DDX4: variants seen among roughly 807,000 people sequenced by gnomAD.
DDX4 encodes DEAD-box helicase 4, also known as probable ATP-dependent RNA helicase DDX4.
A neutral mutation model predicts 100.0 loss-of-function variants in DDX4; 25 were observed. The observed-to-expected ratio is 0.25, with a 90% CI of 0.18 to 0.35. The LOEUF (loss-of-function observed/expected upper bound fraction) is 0.35. Ranked by LOEUF, DDX4 falls within the 10% of genes least tolerant of loss-of-function variation. The pLI is 1.00. For missense variants in DDX4, 635 were observed against 882.4 expected (o/e 0.72, Z 3.55); for synonymous variants, 259 against 275.7 (o/e 0.94, Z 0.60).
chr5:55,783,678 A>AATGG (rs1355786561), intron 10 of DDX4, among the ~76,000 whole-genome samples: 15 of 85,062 alleles, frequency 1.8e-4, no homozygotes, highest in East Asian at 5.4e-4. Context: ...TGGATGGATG[A>AATGG]ATGGATGGAT....
At chr5:55,753,812 T>C (rs1407892138) in intron 3 of DDX4, among the ~76,000 whole-genome samples, 42 of 132,238 alleles carry the variant, frequency 3.2e-4, no homozygotes, top group African/African-American at 1.2e-3. Context: ...GAGCATGGAA[T>C]GTTCTTCCAT....
intron 6 of DDX4, chr5:55,766,983 C>T (rs1297847934): frequency 2.0e-6 from 3 of 1,532,684 alleles, no homozygotes; most frequent in Admixed American, 2.0e-5. Context: ...TTCAGGCAGC[C>T]TTCAGTATAG....
chr5:55,740,987 C>G (rs1218442940), intron 2 of DDX4, among the ~76,000 whole-genome samples: 1 of 152,186 alleles, frequency 6.6e-6, no homozygotes, highest in East Asian at 1.9e-4. Context: ...AATGGAATTA[C>G]TTGTTCAGAG....
chr5:55,799,845 C>A (rs1053773333), intron 18 of DDX4, among the ~76,000 whole-genome samples: 1 of 152,072 alleles, frequency 6.6e-6, no homozygotes, highest in Admixed American at 6.6e-5. Context: ...TTAGTACTTG[C>A]GTTTCAGCTT....
chr5:55,742,471 T>C (rs938053750), intron 2 of DDX4, among the ~76,000 whole-genome samples: 6 of 152,204 alleles, frequency 3.9e-5, no homozygotes, highest in African/African-American at 1.4e-4. Flanking sequence ...GCAGTAGCAA[T>C]GTTAGCAATA....
At chr5:55,788,124 T>A (rs1479321049) in intron 15 of DDX4, 124 bp downstream of exon 15, 2 of 838,608 alleles carry the variant, frequency 2.4e-6, no homozygotes, top group East Asian at 5.6e-5. Flanking sequence ...AAGTATTTTT[T>A]TATTATCTTG....
At position 55,787,939 on chromosome 5, in the gene DDX4, G is replaced by A; in HGVS notation, c.1111G>A (p.Val371Ile). 6.2e-7 allele frequency: 1 copy of A among 1,613,828 alleles called. No homozygotes were observed. Among genetic ancestry groups the A allele is most frequent in the East Asian group, 2.2e-5 (1 of 44,836 alleles). ...GTTGCAGGAACCAGAGTGTATTATT[G>A]TAGCACCAACTCGAGAATTGGTCAA... ...KELQEPECII[V>I]APTRELVNQI... The change falls in exon 15 of 22, where the codon GTA (valine) becomes ATA (isoleucine). Residue 371 changes from valine (V) to isoleucine (I), a missense_variant. Physicochemically the swap from Val to Ile is conservative, Grantham distance 29. Coordinates refer to ENST00000505374, the MANE Select transcript of DDX4 (RefSeq NM_024415.3).
chr5:55,776,332 A>C (rs945119322), intron 7 of DDX4, among the ~76,000 whole-genome samples: 1 of 152,204 alleles, frequency 6.6e-6, no homozygotes, highest in Non-Finnish European at 1.5e-5. Context: ...GGTTCAACAT[A>C]TGACTGTCTC....
At chr5:55,792,557 T>C in intron 16 of DDX4, 84 bp from the exon 17 acceptor site, 1 of 690,204 alleles carries the variant, frequency 1.4e-6, no homozygotes, top group Non-Finnish European at 2.1e-6. Flanking sequence ...TTCTTAACAG[T>C]ATTTTAACAG....
At chr5:55,782,046 C>T in intron 10 of DDX4, 65 bp downstream of exon 10, 1 of 1,560,918 alleles carries the variant, frequency 6.4e-7, no homozygotes, top group Non-Finnish European at 8.8e-7. Context: ...TAATTTTTTT[C>T]TGTACTTCAC....
intron 10 of DDX4, among the ~76,000 whole-genome samples, chr5:55,783,231 A>G (rs945226971): frequency 3.3e-5 from 5 of 152,132 alleles, no homozygotes; most frequent in Admixed American, 1.3e-4. Flanking sequence ...ATTCAGAGTG[A>G]CATTTCCCCC....
chr5:55,809,932 A>G (rs143232806), intron 18 of DDX4, among the ~76,000 whole-genome samples: 3 of 152,348 alleles, frequency 2.0e-5, no homozygotes, highest in Admixed American at 6.5e-5. Flanking sequence ...ACTCTATAGA[A>G]TTACTTTATA....
intron 3 of DDX4, chr5:55,750,246 C>T (rs750724519): frequency 6.3e-6 from 1 of 157,482 alleles, no homozygotes; most frequent in African/African-American, 2.4e-5. Context: ...TCAGTAAAGT[C>T]GTTTTGATAT....
At chr5:55,809,875 T>C (rs1464546336) in intron 18 of DDX4, among the ~76,000 whole-genome samples, 3 of 152,238 alleles carry the variant, frequency 2.0e-5, no homozygotes, top group Admixed American at 6.5e-5. Flanking sequence ...AACACTGTAC[T>C]ATTGCATCAG....
intron 18 of DDX4, among the ~76,000 whole-genome samples, chr5:55,803,110 C>T (rs1743432110): frequency 6.7e-6 from 1 of 149,282 alleles, no homozygotes; most frequent in Non-Finnish European, 1.5e-5. Flanking sequence ...CCCCCCACCC[C>T]ACGACAGGCC....
chr5:55,804,103 GGCT>G (rs1743527479), intron 18 of DDX4, among the ~76,000 whole-genome samples: 1 of 151,932 alleles, frequency 6.6e-6, no homozygotes, highest in Admixed American at 6.6e-5. Flanking sequence ...TGTGGTTTTT[GGCT>G]GCATAAATGT....
intron 18 of DDX4, among the ~76,000 whole-genome samples, chr5:55,800,955 C>T (rs911908304): frequency 2.0e-5 from 3 of 151,862 alleles, no homozygotes; most frequent in Non-Finnish European, 4.4e-5. Flanking sequence ...AAGTTTATTT[C>T]GGAGTGGCAT....
At position 55,816,801 on chromosome 5, in the gene DDX4, TA is replaced by T. The variant is rs1451722883; in HGVS notation, c.*262del. On this transcript the variant is annotated 3_prime_UTR_variant, in exon 22 of 22. Coordinates refer to ENST00000505374, the MANE Select transcript of DDX4 (RefSeq NM_024415.3). ...TCTTTCTTATTTCTGGTATATTCTT[TA>T]GGGGGCTTAGACATGTTTAATGTTT... is the stretch of plus-strand genomic sequence containing the variant. The T allele has an allele frequency of 4.5e-6, 2 of 442,078 alleles. No individual in the cohort carries two copies. Among genetic ancestry groups the T allele is most frequent in the Non-Finnish European group, 7.4e-6 (2 of 268,554 alleles). The allele number at this position is 442,078 out of a possible 1,614,324, so 27.4% of individuals were successfully genotyped here.
chr5:55,798,004 A>T (rs1382543267), intron 17 of DDX4, among the ~76,000 whole-genome samples: 1 of 152,248 alleles, frequency 6.6e-6, no homozygotes, highest in Non-Finnish European at 1.5e-5. Context: ...TCAGAAAACA[A>T]CTAATAATAG....
Sources: allele counts gnomAD v4.1 joint callset (sites outside exome capture counted in the v4.1 genomes callset), GRCh38; gene constraint gnomAD v4.1.1; transcripts MANE v1.5; gene names NCBI Gene and HGNC (gene_info 2026-07-23, HGNC 2026-07-21).